PCDHA7: variants seen among roughly 807,000 people sequenced by gnomAD.
PCDHA7 encodes the protein protocadherin alpha-7.
In PCDHA7, 37 loss-of-function variants were observed where a neutral mutation model predicts 57.2. The observed-to-expected ratio is 0.65, with a 90% CI of 0.50 to 0.85. The LOEUF (loss-of-function observed/expected upper bound fraction) is 0.85. Ranked by LOEUF, PCDHA7 falls within the 40% of genes least tolerant of loss-of-function variation. The pLI, the probability that PCDHA7 is intolerant of heterozygous loss-of-function variation, is 0.00. For synonymous variants in PCDHA7, 553 were observed against 558.8 expected (o/e 0.99, Z 0.15); for missense variants, 1,188 against 1,241.8 (o/e 0.96, Z 0.65).
At chr5:140,865,398 G>T (rs1554159421) in intron 1 of PCDHA7, 1 of 152,138 alleles carries the variant, frequency 6.6e-6, no homozygotes, top group African/African-American at 2.4e-5. Flanking sequence ...TAATATAAAT[G>T]CTGAAAAGGA....
At chr5:140,967,150 C>G (rs1400431511) in intron 1 of PCDHA7, 1 of 1,610,886 alleles carries the variant, frequency 6.2e-7, no homozygotes, top group African/African-American at 1.3e-5. Context: ...CGCACAACCC[C>G]GTGGCGGTGA....
At chr5:140,954,512 T>C (rs2095046956) in intron 1 of PCDHA7, among the ~76,000 whole-genome samples, 1 of 152,254 alleles carries the variant, frequency 6.6e-6, no homozygotes, top group Non-Finnish European at 1.5e-5. Flanking sequence ...TGCATTTACC[T>C]AATGATCAGT....
At chr5:140,982,030 C>G (rs2096963361) in intron 2 of PCDHA7, among the ~76,000 whole-genome samples, 1 of 152,196 alleles carries the variant, frequency 6.6e-6, no homozygotes, top group South Asian at 2.1e-4. Flanking sequence ...TGGAACAATA[C>G]TCCAATTATC....
chr5:140,903,271 A>T (rs193242810), intron 1 of PCDHA7, among the ~76,000 whole-genome samples: 58 of 152,326 alleles, frequency 3.8e-4, no homozygotes, highest in African/African-American at 1.3e-3. Flanking sequence ...GGAGTGAGGT[A>T]GTGTCTCATT....
In PCDHA7 at chr5:140,949,013, T is replaced by C. The variant is rs541040709; in HGVS notation, c.2356-29936T>C. Among the ~76,000 whole-genome samples, 141 of 151,862 alleles carry C rather than the reference T, an allele frequency of 9.3e-4. No homozygotes were observed. In the Middle Eastern group the frequency reaches 0.01, roughly 11 times the overall value. On this transcript the variant is annotated intron_variant, in intron 1 of 3. Transcript: ENST00000525929. ...GCATTTTACTAATTTTTATATGTGATGTTTTTATTTTTATTCATTTAAAAG... is the reference window on the plus strand; with the variant it reads ...GCATTTTACTAATTTTTATATGTGACGTTTTTATTTTTATTCATTTAAAAG...
chr5:140,834,325 C>A lies in PCDHA7; in HGVS notation c.-59C>A. 3 of 1,449,214 alleles carry A rather than the reference C, an allele frequency of 2.1e-6. No individual in the cohort carries two copies. The highest frequency in any genetic ancestry group is 2.8e-6 in the Non-Finnish European group (3 of 1,065,540). The allele number at this position is 1,449,214 out of a possible 1,614,324, so 89.8% of individuals were successfully genotyped here. On this transcript the variant is annotated 5_prime_UTR_variant, in exon 1 of 4. Coordinates refer to ENST00000525929, the MANE Select transcript of PCDHA7 (RefSeq NM_018910.3). ...CGAGATTGAAATGAAGGGATAAAAA[C>A]ATTCCTATAAATTCGAAGGCAAGTT...
chr5:141,000,371 CT>C (rs2153963893), intron 3 of PCDHA7, among the ~76,000 whole-genome samples: 1 of 49,262 alleles, frequency 2.0e-5, no homozygotes, highest in East Asian at 6.6e-4. Context: ...GTCTCTCTCT[CT>C]CTCTCTCTCT....
At chr5:140,959,259 C>G (rs781794121) in intron 1 of PCDHA7, among the ~76,000 whole-genome samples, 1 of 152,040 alleles carries the variant, frequency 6.6e-6, no homozygotes, top group African/African-American at 2.4e-5. Context: ...TGACTGTAGT[C>G]CCAGCTACCC....
Position 140,857,830 on chromosome 5 carries a change from C to G in PCDHA7, c.2355+21092C>G, listed in dbSNP as rs782060681. On this transcript the variant is annotated intron_variant, in intron 1 of 3. Coordinates refer to ENST00000525929, the MANE Select transcript of PCDHA7 (RefSeq NM_018910.3). ...CGGGTCACGTGGTGGCTAAGGTGCG[C>G]GCAGTGGACGCTGACTCTGGATACA... is the stretch of plus-strand genomic sequence containing the variant. 1.6e-5 allele frequency: 26 copies of G among 1,597,596 alleles called. 3 individuals carry two copies. The highest frequency in any genetic ancestry group is 2.1e-5 in the Non-Finnish European group (25 of 1,167,516).
intron 3 of PCDHA7, among the ~76,000 whole-genome samples, chr5:140,999,199 A>G (rs1354176825): frequency 2.0e-5 from 3 of 152,228 alleles, no homozygotes; most frequent in Non-Finnish European, 4.4e-5. Context: ...CTTGGAAAAG[A>G]GAATTTCTGG....
intron 1 of PCDHA7, among the ~76,000 whole-genome samples, chr5:140,917,324 C>CGGGG (rs1299895515): frequency 3.9e-5 from 3 of 76,180 alleles, no homozygotes; most frequent in African/African-American, 8.6e-5. Context: ...GTTCATGTGG[C>CGGGG]GGGGGAGGGG....
At chr5:140,978,711 C>G (rs1306070484) in intron 1 of PCDHA7, among the ~76,000 whole-genome samples, 2 of 152,238 alleles carry the variant, frequency 1.3e-5, no homozygotes, top group Non-Finnish European at 2.9e-5. Flanking sequence ...GTGGCCTTTA[C>G]AAGATTATTA....
chr5:140,927,432 C>G lies in PCDHA7; in HGVS notation c.2356-51517C>G, dbSNP rs781874569. The G allele has an allele frequency of 6.8e-6, 11 of 1,614,124 alleles. No homozygotes were observed. The East Asian group carries it at 2.5e-4, about 36-fold the overall frequency. On this transcript the variant is annotated intron_variant, in intron 1 of 3. Transcript: ENST00000525929. Reference sequence around the variant, plus strand: ...ACATGGGATCGCGGGTTGACGGCAGCGAATACCCGGAGTTGGTGTTGGAGA... The same window carrying G: ...ACATGGGATCGCGGGTTGACGGCAGGGAATACCCGGAGTTGGTGTTGGAGA...
At chr5:140,902,709 TC>T (rs1248555909) in intron 1 of PCDHA7, among the ~76,000 whole-genome samples, 11 of 152,060 alleles carry the variant, frequency 7.2e-5, no homozygotes, top group Admixed American at 4.6e-4. Flanking sequence ...TATCTTTCAC[TC>T]CCCTCCCACC....
rs782035990 is a variant in PCDHA7 at position 140,871,124 on chromosome 5, C to A, written c.2355+34386C>A. 142 of 1,613,206 alleles carry A rather than the reference C, an allele frequency of 8.8e-5. No individual in the cohort carries two copies. The highest frequency in any genetic ancestry group is 1.2e-4 in the Non-Finnish European group (138 of 1,179,888). Reference sequence around the variant, plus strand: ...GTGTCGTTGGTGGAGAGCGGACAGGCGCCAAAGGCCTCTTCCCGGACTTTG... The same window carrying A: ...GTGTCGTTGGTGGAGAGCGGACAGGAGCCAAAGGCCTCTTCCCGGACTTTG... On this transcript the variant is annotated intron_variant, in intron 1 of 3. Coordinates refer to ENST00000525929, the MANE Select transcript of PCDHA7 (RefSeq NM_018910.3).
intron 1 of PCDHA7, among the ~76,000 whole-genome samples, chr5:140,899,340 C>T (rs1199833845): frequency 6.6e-6 from 1 of 152,062 alleles, no homozygotes; most frequent in Non-Finnish European, 1.5e-5. Flanking sequence ...TCATAGATAG[C>T]TCTTATTATT....
intron 1 of PCDHA7, among the ~76,000 whole-genome samples, chr5:140,881,010 T>C (rs782629592): frequency 5.3e-5 from 8 of 152,198 alleles, no homozygotes; most frequent in South Asian, 4.1e-4. Flanking sequence ...AGCAGAGCTA[T>C]GGAAATAAAC....
At chr5:140,884,066 G>A in intron 1 of PCDHA7, 1 of 1,613,512 alleles carries the variant, frequency 6.2e-7, no homozygotes, top group South Asian at 1.1e-5. Flanking sequence ...GGTGGACGCC[G>A]ATTCGGGCTA....
chr5:141,004,045 G>T (rs1588047334), intron 3 of PCDHA7, among the ~76,000 whole-genome samples: 1 of 152,222 alleles, frequency 6.6e-6, no homozygotes, highest in East Asian at 1.9e-4. Flanking sequence ...TTGATCATTT[G>T]CTGATACTGG....
Sources: gnomAD v4.1 joint callset for allele counts (sites outside exome capture counted in the v4.1 genomes callset) on GRCh38, gnomAD v4.1.1 for gene constraint, MANE v1.5 for transcripts, NCBI Gene and HGNC (gene_info 2026-07-23, HGNC 2026-07-21) for gene names.